SDK2: variants seen among roughly 807,000 people sequenced by gnomAD.
The protein encoded by SDK2 is protein sidekick-2.
A neutral mutation model predicts 253.9 loss-of-function variants in SDK2; 105 were observed. The observed-to-expected ratio is 0.41, with a 90% CI of 0.35 to 0.49. The LOEUF is 0.49. Among genes scored for constraint, SDK2 ranks in the 20% least tolerant of loss-of-function variants. The pLI is 0.06. For synonymous variants in SDK2, 1,249 were observed against 1,234.9 expected, an observed-to-expected ratio of 1.01 and a Z score of -0.24; for missense variants, 2,608 against 3,003.0, an observed-to-expected ratio of 0.87 and a Z score of 3.07.
chr17:73,628,933 C>T (rs1026758509), intron 1 of SDK2, among the ~76,000 whole-genome samples: 1 of 152,152 alleles, frequency 6.6e-6, no homozygotes, highest in African/African-American at 2.4e-5. Flanking sequence ...CCCCCCTGGA[C>T]GTGAGCTGGA....
At position 73,401,934 on chromosome 17, in the gene SDK2, G is replaced by T; in HGVS notation, c.2680+12C>A. On this transcript the variant is annotated intron_variant, in intron 19 of 44. Transcript: ENST00000392650. ...GGGGGGGGCAGAAAGAGCAGGGCTGGGGGGTGCCTACCATCCTCATGGGTG... is the reference window on the plus strand; with the variant it reads ...GGGGGGGGCAGAAAGAGCAGGGCTGTGGGGTGCCTACCATCCTCATGGGTG... The T allele has an allele frequency of 6.3e-7, 1 of 1,588,490 alleles. No homozygotes were observed. Among genetic ancestry groups the T allele is most frequent in the Middle Eastern group, 1.7e-4 (1 of 5,794 alleles).
intron 44 of SDK2, among the ~76,000 whole-genome samples, chr17:73,343,488 C>T (rs1314317409): frequency 1.3e-5 from 2 of 152,198 alleles, no homozygotes; most frequent in African/African-American, 4.8e-5. Context: ...TCACGGGCCT[C>T]GGTAATTGAA....
Position 73,435,603 on chromosome 17 carries a change from C to T in SDK2, c.1042G>A (p.Val348Met), listed in dbSNP as rs372641701. The T allele has an allele frequency of 4.2e-5, 66 of 1,576,212 alleles. No individual in the cohort carries two copies. Among genetic ancestry groups the T allele is most frequent in the East Asian group, 7.0e-5 (3 of 42,586 alleles). Residue 348 changes from valine to methionine, a missense_variant, in exon 9 of 45, where the codon GTG (valine) becomes ATG (methionine). Val to Met is a conservative substitution (Grantham distance 21). Around this residue, in one of 2 missense-constraint regions of SDK2, gnomAD observed 1,505 missense variants for 1,859.1 expected, o/e 0.81. Coordinates refer to ENST00000392650, the MANE Select transcript of SDK2 (RefSeq NM_001144952.2). This position sits in a 1 kb window ranked among gnomAD's most constrained non-coding sequence, Gnocchi z 5.7. ...CGGGTCAACTTCTCCACCTCCACCA[C>T]GGCTGCGTCCTTGTACCAGGTGATG... ...PSITWYKDAA[V>M]VEVEKLTRFR...
rs186846051 is a variant in SDK2 at position 73,625,664 on chromosome 17, A to T, written c.64+18361T>A. Among the ~76,000 whole-genome samples, 1,210 of 151,796 alleles carry T rather than the reference A, an allele frequency of 8.0e-3. 8 individuals are homozygous for T. Among genetic ancestry groups the T allele is most frequent in the African/African-American group, 0.028 (1,157 of 41,362 alleles). On this transcript the variant is annotated intron_variant, in intron 1 of 44. Transcript: ENST00000392650. The stretch of plus-strand genomic sequence containing the variant: ...TTTTCTTTTTCTTTTTCTTTTTTTG[A>T]GAGAGAGTCTCACTCTGTTGTCTAG...
In SDK2 at chr17:73,558,714, G is replaced by T. The variant is rs1272315495; in HGVS notation, c.65-51117C>A. On this transcript the variant is annotated intron_variant, in intron 1 of 44. Transcript: ENST00000392650. ...GGAGTGCCTTTCCCACCTCACATGGGAAGTCAGTGCCCAAGTTAACAGAAC... is the reference window on the plus strand; with the variant it reads ...GGAGTGCCTTTCCCACCTCACATGGTAAGTCAGTGCCCAAGTTAACAGAAC... Among the ~76,000 whole-genome samples, 3 of 152,216 alleles carry T rather than the reference G, an allele frequency of 2.0e-5. 1 individual carries two copies. Among genetic ancestry groups the T allele is most frequent in the Middle Eastern group, 6.8e-3 (2 of 294 alleles).
At chr17:73,427,890 C>T (rs1844676920) in intron 12 of SDK2, among the ~76,000 whole-genome samples, 1 of 152,210 alleles carries the variant, frequency 6.6e-6, no homozygotes, top group South Asian at 2.1e-4. Flanking sequence ...CTTTGATAGA[C>T]ACTTTCAAGA....
chr17:73,491,035 C>T (rs1293482825), intron 2 of SDK2, among the ~76,000 whole-genome samples: 2 of 152,172 alleles, frequency 1.3e-5, no homozygotes, highest in Admixed American at 1.3e-4. Context: ...TCTTAACCAC[C>T]CTACTATAGC....
chr17:73,533,082 T>C (rs2064182894), intron 1 of SDK2, among the ~76,000 whole-genome samples: 3 of 152,370 alleles, frequency 2.0e-5, no homozygotes, highest in East Asian at 1.9e-4. Flanking sequence ...AGAGTCTCTC[T>C]GTCCAGCCCT....
At position 73,496,259 on chromosome 17, in the gene SDK2, A is replaced by T. The variant is rs1434127422; in HGVS notation, c.224+11179T>A. Among the ~76,000 whole-genome samples the T allele has an allele frequency of 6.6e-6, 1 of 152,152 alleles. No individual in the cohort carries two copies. Among genetic ancestry groups the T allele is most frequent in the East Asian group, 1.9e-4 (1 of 5,182 alleles). ...TTCCCAGCCACCCTGGGAGGTAGCT[A>T]CTGGTCTTATTATTCCCATTTCCCA... On this transcript the variant is annotated intron_variant, in intron 2 of 44. Coordinates refer to ENST00000392650, the MANE Select transcript of SDK2 (RefSeq NM_001144952.2). This position sits in a 1 kb window ranked among gnomAD's most constrained non-coding sequence, Gnocchi z 4.7.
intron 1 of SDK2, among the ~76,000 whole-genome samples, chr17:73,574,762 A>G (rs11870402): frequency 0.28 from 43,267 of 152,126 alleles, 6,321 homozygotes; most frequent in South Asian, 0.41. Flanking sequence ...ACCCTGGCTT[A>G]TGCTAGAAGA....
chr17:73,611,645 C>A (rs756176840), intron 1 of SDK2, among the ~76,000 whole-genome samples: 2 of 152,218 alleles, frequency 1.3e-5, no homozygotes, highest in Non-Finnish European at 2.9e-5. Flanking sequence ...GCCTCAGTTT[C>A]CCCACCTTCC....
Position 73,435,658 on chromosome 17 carries a change from G to C in SDK2, c.1001-14C>G. Reference sequence around the variant, plus strand: ...GCGGCGGCACACCTGTGGGCAAGACGTGGGCCCACCGTCAACCTGCCTCCT... The same window carrying C: ...GCGGCGGCACACCTGTGGGCAAGACCTGGGCCCACCGTCAACCTGCCTCCT... On this transcript the variant is annotated splice_polypyrimidine_tract_variant and intron_variant, in intron 8 of 44. Coordinates refer to ENST00000392650, the MANE Select transcript of SDK2 (RefSeq NM_001144952.2). The surrounding 1 kb of genome is among the most constrained non-coding windows in gnomAD (Gnocchi z 5.7). 1 of 1,535,604 alleles carries C rather than the reference G, an allele frequency of 6.5e-7. No individual in the cohort carries two copies. The highest frequency in any genetic ancestry group is 8.8e-7 in the Non-Finnish European group (1 of 1,137,174).
At chr17:73,571,689 C>T (rs766321256) in intron 1 of SDK2, among the ~76,000 whole-genome samples, 9 of 152,240 alleles carry the variant, frequency 5.9e-5, no homozygotes, top group East Asian at 1.9e-4. Flanking sequence ...GCGGGGGCTA[C>T]GCCTTCTTAC....
chr17:73,414,876 C>A, intron 17 of SDK2, 117 bp from the exon 18 acceptor site: 1 of 646,244 alleles, frequency 1.5e-6, no homozygotes, highest in Admixed American at 2.3e-5. Flanking sequence ...ACCCCCCTAC[C>A]CCACCCCAAC....
chr17:73,595,042 C>T (rs1039004514), intron 1 of SDK2, among the ~76,000 whole-genome samples: 8 of 152,306 alleles, frequency 5.3e-5, no homozygotes, highest in South Asian at 2.1e-4. Flanking sequence ...GCCATCACCA[C>T]GAGAAAAGAC....
intron 40 of SDK2, among the ~76,000 whole-genome samples, chr17:73,354,645 T>A (rs1398464275): frequency 6.6e-6 from 1 of 152,182 alleles, no homozygotes; most frequent in Non-Finnish European, 1.5e-5. Context: ...AGGTCCTCTC[T>A]GTCTGGCCTG....
chr17:73,585,578 C>T (rs146545335), intron 1 of SDK2, among the ~76,000 whole-genome samples: 55 of 152,324 alleles, frequency 3.6e-4, no homozygotes, highest in Middle Eastern at 6.8e-3. Context: ...TCCCCCATCT[C>T]CATGGCCAGG....
At chr17:73,501,912 C>T (rs2063893734) in intron 2 of SDK2, among the ~76,000 whole-genome samples, 1 of 152,226 alleles carries the variant, frequency 6.6e-6, no homozygotes, top group South Asian at 2.1e-4. Flanking sequence ...TGGCTAACCA[C>T]TTCTGCCTAA....
In SDK2 at chr17:73,570,566, A is replaced by G. The variant is rs1599688189; in HGVS notation, c.65-62969T>C. Among the ~76,000 whole-genome samples, 1 of 152,102 alleles carries G rather than the reference A, an allele frequency of 6.6e-6. No homozygotes were observed. The highest frequency in any genetic ancestry group is 1.5e-5 in the Non-Finnish European group (1 of 68,000). ...TGAGGCTGATGGTGGTGATGTTGCC[A>G]CCTTCCACTGAGCGCTGACTACCCG... On this transcript the variant is annotated intron_variant, in intron 1 of 44. Transcript: ENST00000392650. This position sits in a 1 kb window ranked among gnomAD's most constrained non-coding sequence, Gnocchi z 4.2.
Sources: allele counts gnomAD v4.1 joint callset (sites outside exome capture counted in the v4.1 genomes callset), GRCh38; gene constraint gnomAD v4.1.1; regional missense constraint gnomAD v4.1.1; non-coding constraint Gnocchi (gnomAD v3.1); transcripts MANE v1.5; gene names NCBI Gene and HGNC (gene_info 2026-07-23, HGNC 2026-07-21).